Variants in MLIP observed in about 807,000 individuals in gnomAD.
MLIP encodes muscular LMNA interacting protein, also known as muscular LMNA-interacting protein.
MLIP carries 79 observed loss-of-function variants against 84.8 expected under a neutral mutation model. The observed-to-expected ratio is 0.93, with a 90% CI of 0.78 to 1.12. MLIP has a LOEUF of 1.12. MLIP is among the 50% of genes most tolerant of loss of function. The pLI is 0.00. For synonymous variants in MLIP, 504 were observed against 463.0 expected, an observed-to-expected ratio of 1.09 and a Z score of -1.14; for missense variants, 1,257 against 1,160.6, an observed-to-expected ratio of 1.08 and a Z score of -1.21.
At position 54,056,663 on chromosome 6, in the gene MLIP, T is replaced by C. The variant is rs573258319; in HGVS notation, c.63+37572T>C. Among the ~76,000 whole-genome samples the C allele has an allele frequency of 3.9e-5, 6 of 152,326 alleles. No individual in the cohort carries two copies. In the East Asian group the frequency reaches 1.2e-3, roughly 29 times the overall value. On this transcript the variant is annotated intron_variant, in intron 1 of 12. Coordinates refer to the MLIP transcript ENST00000274897. ...GCAGAAAAATGCTAAAACCCATCTC[T>C]AGAAGCTTGCCAGCAAGAATGCCTT...
Position 54,124,467 on chromosome 6 carries a change from T to G in MLIP, c.253-6T>G, listed in dbSNP as rs762943181. ...CAATGCTTTTATCTCTCTACATCTA[T>G]TACAGTCTAAATCCAATGACTACTT... is the stretch of plus-strand genomic sequence containing the variant. On this transcript the variant is annotated splice_region_variant and splice_polypyrimidine_tract_variant and intron_variant, in intron 2 of 13. Transcript: ENST00000502396. 58 of 1,609,472 alleles carry G rather than the reference T, an allele frequency of 3.6e-5. No individual in the cohort carries two copies. Among genetic ancestry groups the G allele is most frequent in the Admixed American group, 1.0e-4 (6 of 59,728 alleles).
intron 10 of MLIP, among the ~76,000 whole-genome samples, chr6:54,193,665 A>T (rs1014912251): frequency 1.3e-5 from 2 of 152,134 alleles, no homozygotes; most frequent in Non-Finnish European, 2.9e-5. Context: ...GTGTTTTTGC[A>T]CTGCCTGGAA....
At chr6:54,207,630 G>A (rs1326843072) in intron 11 of MLIP, among the ~76,000 whole-genome samples, 1 of 152,058 alleles carries the variant, frequency 6.6e-6, no homozygotes, top group African/African-American at 2.4e-5. Context: ...AGACTTATTT[G>A]CCACTCTATC....
intron 1 of MLIP, among the ~76,000 whole-genome samples, chr6:54,075,613 T>G (rs560180204): frequency 1.3e-5 from 2 of 152,218 alleles, no homozygotes; most frequent in Non-Finnish European, 2.9e-5. Flanking sequence ...TCATATATGC[T>G]TCCAGACTGG....
At chr6:54,026,703 C>A (rs1388483128) in intron 1 of MLIP, among the ~76,000 whole-genome samples, 3 of 113,926 alleles carry the variant, frequency 2.6e-5, no homozygotes, top group Admixed American at 2.2e-4. Context: ...AAATGAAGAA[C>A]CTGTGTCTTC....
chr6:54,141,162 T>TCATA (rs988431826), intron 4 of MLIP, among the ~76,000 whole-genome samples: 1 of 152,204 alleles, frequency 6.6e-6, no homozygotes, highest in African/African-American at 2.4e-5. Context: ...TGTTCCTTTT[T>TCATA]CATACATAAA....
intron 1 of MLIP, chr6:54,058,933 A>T (rs569905409): frequency 4.6e-5 from 7 of 152,220 alleles, no homozygotes; most frequent in South Asian, 2.1e-4. Context: ...TTCTACTTCC[A>T]CTGTAGTAAA....
At chr6:54,116,570 C>A (rs1244450785) in intron 1 of MLIP, among the ~76,000 whole-genome samples, 1 of 152,142 alleles carries the variant, frequency 6.6e-6, no homozygotes, top group African/African-American at 2.4e-5. Context: ...CTGAACAGAA[C>A]AGTCATGAAT....
intron 1 of MLIP, among the ~76,000 whole-genome samples, chr6:54,069,671 C>A: frequency 1.0e-5 from 1 of 98,300 alleles, no homozygotes; most frequent in Non-Finnish European, 2.9e-5. Context: ...TAAAAAAAGG[C>A]AATATAGACA....
At chr6:54,044,635 CG>C (rs1764930752) in intron 1 of MLIP, among the ~76,000 whole-genome samples, 1 of 146,406 alleles carries the variant, frequency 6.8e-6, no homozygotes, top group African/African-American at 2.6e-5. Flanking sequence ...CCGTGGTAGA[CG>C]TTTTTTTTTT....
intron 9 of MLIP, among the ~76,000 whole-genome samples, chr6:54,188,651 C>T (rs940347005): frequency 6.6e-6 from 1 of 151,988 alleles, no homozygotes; most frequent in Non-Finnish European, 1.5e-5. Flanking sequence ...TTGTGTGGCA[C>T]ATTACTATAT....
intron 1 of MLIP, among the ~76,000 whole-genome samples, chr6:54,116,817 G>A (rs556288088): frequency 1.2e-4 from 19 of 152,234 alleles, no homozygotes; most frequent in African/African-American, 2.6e-4. Flanking sequence ...GCCAATATTC[G>A]TGATGAACAT....
At chr6:54,114,367 C>T (rs370122872) in intron 1 of MLIP, among the ~76,000 whole-genome samples, 4 of 152,162 alleles carry the variant, frequency 2.6e-5, no homozygotes, top group Admixed American at 1.3e-4. Flanking sequence ...AAAATTTGAT[C>T]GTTATTCTCA....
At chr6:54,152,131 A>AT (rs1220594033) in intron 5 of MLIP, among the ~76,000 whole-genome samples, 1 of 152,142 alleles carries the variant, frequency 6.6e-6, no homozygotes, top group Non-Finnish European at 1.5e-5. Context: ...GTAAGGTATG[A>AT]TTTTTATTGT....
At chr6:54,040,434 C>T (rs1764677905) in intron 1 of MLIP, among the ~76,000 whole-genome samples, 2 of 151,834 alleles carry the variant, frequency 1.3e-5, no homozygotes, top group East Asian at 1.9e-4. Context: ...GGCAAGGCTA[C>T]AGAAAAAAGG....
chr6:54,038,084 A>G (rs1397170664), intron 1 of MLIP, among the ~76,000 whole-genome samples: 1 of 151,936 alleles, frequency 6.6e-6, no homozygotes, highest in African/African-American at 2.4e-5. Flanking sequence ...AGGTCCTAAC[A>G]TGTGGTATGA....
At chr6:54,103,005 C>T (rs914318841) in intron 1 of MLIP, among the ~76,000 whole-genome samples, 1 of 152,044 alleles carries the variant, frequency 6.6e-6, no homozygotes, top group Non-Finnish European at 1.5e-5. Flanking sequence ...ATTATGTTAA[C>T]CTCATGATGT....
chr6:54,249,625 T>C (rs1316281822), intron 12 of MLIP, among the ~76,000 whole-genome samples: 2 of 151,656 alleles, frequency 1.3e-5, no homozygotes, highest in African/African-American at 4.8e-5. Context: ...TCAACTAGTG[T>C]TTGGTGCACA....
rs9357792 is a variant in MLIP at position 54,181,828 on chromosome 6, G to A, written c.2545-8042G>A. Among the ~76,000 whole-genome samples, 81 of 152,298 alleles carry A rather than the reference G, an allele frequency of 5.3e-4. No individual in the cohort carries two copies. In the East Asian group the frequency reaches 0.011, roughly 21 times the overall value. On this transcript the variant is annotated intron_variant, in intron 9 of 13. Transcript: ENST00000502396. The stretch of plus-strand genomic sequence containing the variant: ...TCATGAGCCAGGGCCTGTAATGGGG[G>A]CATCATAGCTCTGCCTAGTGCTCTA...
Sources: gnomAD v4.1 joint callset for allele counts (sites outside exome capture counted in the v4.1 genomes callset) on GRCh38, gnomAD v4.1.1 for gene constraint, MANE v1.5 for transcripts, NCBI Gene and HGNC (gene_info 2026-07-23, HGNC 2026-07-21) for gene names.